SVOPL: variants seen among roughly 807,000 people sequenced by gnomAD.
SVOPL encodes the protein putative transporter SVOPL.
Under a neutral mutation model 61.0 loss-of-function variants are expected in SVOPL, and 60 were observed. The ratio of observed to expected loss-of-function variants is 0.98; its 90% CI spans 0.80 to 1.22. The LOEUF (loss-of-function observed/expected upper bound fraction) is 1.22, where lower values mean the gene tolerates loss of function less well. Among genes scored for constraint, SVOPL ranks in the 50% most tolerant of loss-of-function variants. The probability of loss-of-function intolerance (pLI) is 0.00; values close to 1 mark genes in which losing one functional copy is unlikely to be tolerated. For synonymous variants in SVOPL, 279 were observed against 250.0 expected, an observed-to-expected ratio of 1.12 and a Z score of -1.09; for missense variants, 662 against 643.9, an observed-to-expected ratio of 1.03 and a Z score of -0.30.
chr7:138,633,708 A>G (rs964241192), intron 9 of SVOPL, among the ~76,000 whole-genome samples: 10 of 145,812 alleles, frequency 6.9e-5, no homozygotes, highest in Admixed American at 6.6e-4. Flanking sequence ...TCCACAGAAG[A>G]AAGTGAGAAT....
Position 138,684,016 on chromosome 7 carries a change from G to C in SVOPL, c.-34-4937C>G, listed in dbSNP as rs148534814. 5.3e-3 allele frequency among the ~76,000 whole-genome samples: 804 copies of C among 151,590 alleles called. 6 individuals are homozygous for C. The highest frequency in any genetic ancestry group is 0.018 in the African/African-American group (755 of 41,310). On this transcript the variant is annotated intron_variant, in intron 1 of 15. Transcript: ENST00000674285. ...TGCAGTGAGCCGAAATCATGCCACT[G>C]TACTCCAGCCTGGGTGACAGAATGG...
At position 138,664,800 on chromosome 7, in the gene SVOPL, C is replaced by A. The variant is rs1289902165; in HGVS notation, c.274-1655G>T. 1.5e-3 allele frequency among the ~76,000 whole-genome samples: 199 copies of A among 133,744 alleles called. 1 individual carries two copies. Among genetic ancestry groups the A allele is most frequent in the Admixed American group, 4.9e-3 (66 of 13,354 alleles). 87.7% of individuals were successfully genotyped at this position (133,744 alleles called of 152,430 possible). ...CTGCTGCTCACCCCCAGCTCTTCCT[C>A]CTCCGCCACCCCGGCGCTCGACCCT... On this transcript the variant is annotated intron_variant, in intron 4 of 15. Transcript: ENST00000674285.
intron 9 of SVOPL, among the ~76,000 whole-genome samples, chr7:138,631,319 C>T (rs866385112): frequency 2.6e-5 from 4 of 152,160 alleles, no homozygotes; most frequent in South Asian, 2.1e-4. Flanking sequence ...CCTCAACCAT[C>T]TATCCTTCAA....
At chr7:138,662,038 T>G in intron 5 of SVOPL, 31 of 985,458 alleles carry the variant, frequency 3.1e-5, no homozygotes, top group Non-Finnish European at 3.7e-5. Context: ...GGTGAGTCTT[T>G]CTGAATCTGG....
intron 14 of SVOPL, among the ~76,000 whole-genome samples, chr7:138,620,403 G>C (rs1193973725): frequency 3.5e-5 from 5 of 141,542 alleles, no homozygotes; most frequent in African/African-American, 1.4e-4. Context: ...TTATAGGCAT[G>C]AGCTACCGCA....
chr7:138,694,506 A>G (rs1803024755), intron 1 of SVOPL, among the ~76,000 whole-genome samples: 1 of 152,020 alleles, frequency 6.6e-6, no homozygotes, highest in Non-Finnish European at 1.5e-5. Context: ...TCTGCCTCCC[A>G]AAGTGCTGGG....
At chr7:138,629,946 G>C in intron 10 of SVOPL, 103 bp downstream of exon 10, 1 of 848,766 alleles carries the variant, frequency 1.2e-6, no homozygotes, top group Non-Finnish European at 2.0e-6. Flanking sequence ...TTTGGAGTTA[G>C]TCTTATGTTT....
chr7:138,609,771 T>C (rs1055147854), intron 14 of SVOPL, among the ~76,000 whole-genome samples: 12 of 152,056 alleles, frequency 7.9e-5, no homozygotes, highest in Admixed American at 7.9e-4. Context: ...CTCGTTCTGC[T>C]GCCCAGGATG....
chr7:138,603,959 T>C (rs898713855), intron 14 of SVOPL, among the ~76,000 whole-genome samples: 1 of 128,496 alleles, frequency 7.8e-6, no homozygotes, highest in African/African-American at 3.1e-5. Context: ...TTTATTCTTT[T>C]TTTTTTTTTT....
chr7:138,634,021 C>T (rs1315335881), intron 9 of SVOPL, among the ~76,000 whole-genome samples: 5 of 152,192 alleles, frequency 3.3e-5, no homozygotes, highest in African/African-American at 9.6e-5. Context: ...ATCTCAGACA[C>T]AGAGCATGAG....
chr7:138,628,043 T>C lies in SVOPL; in HGVS notation c.1069+115A>G, dbSNP rs1584800387. Reference sequence around the variant, plus strand: ...GATTTTTCAGCACTACTTGGCAACTTATTCAGTTCTGCTAGGCAGGAGCGG... The same window carrying C: ...GATTTTTCAGCACTACTTGGCAACTCATTCAGTTCTGCTAGGCAGGAGCGG... On this transcript the variant is annotated intron_variant, in intron 11 of 15. Transcript: ENST00000674285. 4 of 1,231,946 alleles carry C rather than the reference T, an allele frequency of 3.2e-6. No homozygotes were observed. The East Asian group carries it at 7.2e-5, about 22-fold the overall frequency. 76.3% of individuals were successfully genotyped at this position (1,231,946 alleles called of 1,614,324 possible).
intron 1 of SVOPL, among the ~76,000 whole-genome samples, chr7:138,700,710 ATGGAT>A (rs1443170107): frequency 1.8e-4 from 27 of 150,098 alleles, no homozygotes; most frequent in African/African-American, 5.7e-4. Context: ...GGATGGATGG[ATGGAT>A]GGCAGATGGA....
At chr7:138,656,653 C>T in intron 6 of SVOPL, 142 bp from the exon 7 acceptor site, 2 of 820,790 alleles carry the variant, frequency 2.4e-6, no homozygotes, top group Admixed American at 5.0e-5. Context: ...ATTATGACAG[C>T]TAATATCCAC....
intron 12 of SVOPL, 80 bp downstream of exon 12, chr7:138,627,270 G>C (rs1430508652): frequency 1.9e-6 from 2 of 1,070,956 alleles, no homozygotes; most frequent in Admixed American, 4.2e-5. Flanking sequence ...ACTTGTCCCT[G>C]AAACTACTGA....
intron 12 of SVOPL, among the ~76,000 whole-genome samples, 156 bp downstream of exon 12, chr7:138,627,194 T>C (rs1036829552): frequency 6.6e-6 from 1 of 152,104 alleles, no homozygotes; most frequent in African/African-American, 2.4e-5. Flanking sequence ...GCGGGGATAG[T>C]AGGGAACAGG....
chr7:138,628,504 T>G (rs887184326), intron 10 of SVOPL, 141 bp from the exon 11 acceptor site: 3 of 799,598 alleles, frequency 3.8e-6, no homozygotes, highest in African/African-American at 1.7e-5. Flanking sequence ...CACAGAGCAT[T>G]CGTGGAAGTG....
intron 14 of SVOPL, among the ~76,000 whole-genome samples, chr7:138,604,552 C>A (rs951191663): frequency 6.6e-6 from 1 of 151,778 alleles, no homozygotes; most frequent in African/African-American, 2.4e-5. Flanking sequence ...TGGCAGGCAC[C>A]TGTAAATCCC....
intron 1 of SVOPL, among the ~76,000 whole-genome samples, chr7:138,692,059 T>TC (rs2117142141): frequency 6.6e-6 from 1 of 151,660 alleles, no homozygotes; most frequent in South Asian, 2.1e-4. Flanking sequence ...CTCAAGTGAA[T>TC]CAGCACTTTG....
At chr7:138,629,973 TCA>T (rs1800097754) in intron 10 of SVOPL, 74 bp downstream of exon 10, 1 of 1,182,286 alleles carries the variant, frequency 8.5e-7, no homozygotes, top group Admixed American at 1.8e-5. Flanking sequence ...CCAGTGGCAC[TCA>T]CATAGATTTA....
Sources: gnomAD v4.1 joint callset for allele counts (sites outside exome capture counted in the v4.1 genomes callset) on GRCh38, gnomAD v4.1.1 for gene constraint, MANE v1.5 for transcripts, NCBI Gene and HGNC (gene_info 2026-07-23, HGNC 2026-07-21) for gene names.